The following SPECC1 variants were observed in gnomAD, a reference collection of about 807,000 sequenced individuals.
The protein encoded by SPECC1 is cytospin-B.
A neutral mutation model predicts 104.1 loss-of-function variants in SPECC1; 62 were observed. That is an observed-to-expected ratio of 0.60 (90% CI 0.49 to 0.74). SPECC1 has a LOEUF of 0.74. Among genes scored for constraint, SPECC1 ranks in the 30% least tolerant of loss-of-function variants. SPECC1 has a pLI of 0.00. For missense variants in SPECC1, 1,306 were observed against 1,310.5 expected (o/e 1.00, Z 0.05); for synonymous variants, 513 against 501.6 (o/e 1.02, Z -0.30).
intron 4 of SPECC1, among the ~76,000 whole-genome samples, chr17:20,221,971 A>G (rs1276376877): frequency 6.7e-6 from 1 of 148,522 alleles, no homozygotes; most frequent in East Asian, 2.0e-4. Context: ...TGTGATTTCT[A>G]GTTTTATTCC....
intron 1 of SPECC1, among the ~76,000 whole-genome samples, chr17:20,092,125 A>G (rs1300656500): frequency 6.6e-6 from 1 of 152,058 alleles, no homozygotes; most frequent in Non-Finnish European, 1.5e-5. Flanking sequence ...TTTAAGTCCT[A>G]CACTATTCTG....
intron 4 of SPECC1, among the ~76,000 whole-genome samples, chr17:20,222,565 T>C (rs781339440): frequency 2.0e-5 from 3 of 152,236 alleles, no homozygotes; most frequent in Non-Finnish European, 2.9e-5. Flanking sequence ...TATTTACAGC[T>C]TATTATACCA....
At chr17:20,252,616 C>T (rs1363716196) in intron 9 of SPECC1, among the ~76,000 whole-genome samples, 5 of 152,234 alleles carry the variant, frequency 3.3e-5, no homozygotes, top group Non-Finnish European at 5.9e-5. Flanking sequence ...AGTTATGCCG[C>T]TCTTGTCCTT....
In SPECC1 at chr17:20,024,933, T is replaced by G. The variant is rs1393988910; in HGVS notation, c.-22+15509T>G. Among the ~76,000 whole-genome samples, 3 of 152,242 alleles carry G rather than the reference T, an allele frequency of 2.0e-5. No homozygotes were observed. In the East Asian group the frequency reaches 5.8e-4, roughly 29 times the overall value. The stretch of plus-strand genomic sequence containing the variant: ...AATTCCTGCTATTGAACTGCTTCTC[T>G]TGAATTCTATTTTTCTTATTAAACT... On this transcript the variant is annotated intron_variant, in intron 1 of 14. Transcript: ENST00000395527.
intron 1 of SPECC1, among the ~76,000 whole-genome samples, chr17:20,065,772 A>G (rs1023237152): frequency 4.0e-5 from 6 of 151,838 alleles, no homozygotes; most frequent in Non-Finnish European, 4.4e-5. Flanking sequence ...TATAGTTAGG[A>G]CTCTCTCTAG....
At chr17:20,090,346 G>A (rs1257320695) in intron 1 of SPECC1, among the ~76,000 whole-genome samples, 1 of 152,094 alleles carries the variant, frequency 6.6e-6, no homozygotes, top group Non-Finnish European at 1.5e-5. Context: ...TGCACTTTCC[G>A]TTTTGCTTCT....
chr17:20,051,609 T>A (rs1318353122), intron 1 of SPECC1, among the ~76,000 whole-genome samples: 1 of 152,232 alleles, frequency 6.6e-6, no homozygotes, highest in Non-Finnish European at 1.5e-5. Flanking sequence ...TTCCTTTATT[T>A]GTTCATTCAA....
chr17:20,299,044 A>G (rs2041472412), intron 13 of SPECC1, among the ~76,000 whole-genome samples: 1 of 151,246 alleles, frequency 6.6e-6, no homozygotes, highest in South Asian at 2.1e-4. Flanking sequence ...GCTCGAGATT[A>G]TAGAAGCTAG....
At chr17:20,202,067 A>C (rs755247625) in intron 3 of SPECC1, among the ~76,000 whole-genome samples, 12 of 152,248 alleles carry the variant, frequency 7.9e-5, no homozygotes, top group South Asian at 2.1e-4. Context: ...AAATTTGTCT[A>C]AACTTATGCA....
intron 4 of SPECC1, among the ~76,000 whole-genome samples, chr17:20,211,949 C>T (rs1263335160): frequency 6.6e-6 from 1 of 152,176 alleles, no homozygotes; most frequent in Non-Finnish European, 1.5e-5. Context: ...TGGTGTTGCC[C>T]AGCACTTCTC....
chr17:20,163,744 A>G (rs1186538650), intron 3 of SPECC1, among the ~76,000 whole-genome samples: 2 of 152,040 alleles, frequency 1.3e-5, no homozygotes, highest in Non-Finnish European at 2.9e-5. Flanking sequence ...TGTTTTTTAT[A>G]GAGACGGGGT....
At chr17:20,235,366 A>G (rs971400805) in intron 7 of SPECC1, among the ~76,000 whole-genome samples, 1 of 152,216 alleles carries the variant, frequency 6.6e-6, no homozygotes, top group Non-Finnish European at 1.5e-5. Context: ...AGATGAAAAG[A>G]TAATAACTTT....
intron 3 of SPECC1, among the ~76,000 whole-genome samples, chr17:20,151,701 A>G (rs1460369837): frequency 6.6e-6 from 1 of 152,076 alleles, no homozygotes; most frequent in African/African-American, 2.4e-5. Context: ...TTGGTTTTTC[A>G]TTTGCCCAGG....
At chr17:20,207,653 A>G (rs1443798691) in intron 4 of SPECC1, among the ~76,000 whole-genome samples, 1 of 152,250 alleles carries the variant, frequency 6.6e-6, no homozygotes. Flanking sequence ...AGAAAAGTAT[A>G]AAAAAGAAAA....
intron 1 of SPECC1, among the ~76,000 whole-genome samples, chr17:20,090,266 G>T (rs2047346060): frequency 1.3e-5 from 2 of 152,184 alleles, no homozygotes; most frequent in Non-Finnish European, 2.9e-5. Flanking sequence ...CTGAGCCTGT[G>T]GGCAGCACTG....
intron 3 of SPECC1, among the ~76,000 whole-genome samples, chr17:20,124,598 A>T (rs1288772844): frequency 1.3e-5 from 2 of 152,240 alleles, no homozygotes; most frequent in Non-Finnish European, 2.9e-5. Context: ...TGTGATAAAA[A>T]AAATTTCAGA....
intron 1 of SPECC1, among the ~76,000 whole-genome samples, chr17:20,028,954 G>T (rs1347590093): frequency 6.6e-6 from 1 of 152,092 alleles, no homozygotes; most frequent in African/African-American, 2.4e-5. Context: ...AAGAGATAGG[G>T]TTTCTCCATG....
chr17:20,106,333 G>A (rs1344003250), intron 2 of SPECC1, among the ~76,000 whole-genome samples: 2 of 152,172 alleles, frequency 1.3e-5, no homozygotes, highest in Non-Finnish European at 2.9e-5. Flanking sequence ...GTGACCTGAT[G>A]GATGGTTTGA....
At position 20,222,681 on chromosome 17, in the gene SPECC1, A is replaced by G. The variant is rs116689007; in HGVS notation, c.1864-4732A>G. Among the ~76,000 whole-genome samples the G allele has an allele frequency of 7.9e-3, 1,196 of 152,262 alleles. 18 individuals are homozygous for G. The highest frequency in any genetic ancestry group is 0.027 in the African/African-American group (1,140 of 41,558). ...CACAATTAGTGTTAAAATATTCTGT[A>G]TTTGTCTGTGTACTTGCTGTTACCA... On this transcript the variant is annotated intron_variant, in intron 4 of 14. Coordinates refer to ENST00000395527, the MANE Select transcript of SPECC1 (RefSeq NM_001243439.2).
Sources: allele counts gnomAD v4.1 joint callset (sites outside exome capture counted in the v4.1 genomes callset), GRCh38; gene constraint gnomAD v4.1.1; transcripts MANE v1.5; gene names NCBI Gene and HGNC (gene_info 2026-07-23, HGNC 2026-07-21).